The following DIAPH3 variants were observed in gnomAD, a reference collection of about 807,000 sequenced individuals.
DIAPH3 encodes protein diaphanous homolog 3.
DIAPH3 carries 117 observed loss-of-function variants against 144.3 expected under a neutral mutation model. The observed-to-expected ratio is 0.81, with a 90% CI of 0.70 to 0.95. The LOEUF (loss-of-function observed/expected upper bound fraction) is 0.95, where lower values mean the gene tolerates loss of function less well. DIAPH3 is among the 40% of genes least tolerant of loss of function. DIAPH3 has a pLI of 0.00. For missense variants in DIAPH3, 1,421 were observed against 1,412.7 expected (o/e 1.01, Z -0.09); for synonymous variants, 519 against 488.9 (o/e 1.06, Z -0.81).
At chr13:60,072,429 T>C (rs549779878) in intron 4 of DIAPH3, among the ~76,000 whole-genome samples, 2 of 152,316 alleles carry the variant, frequency 1.3e-5, no homozygotes, top group African/African-American at 4.8e-5. Flanking sequence ...TTTACACACA[T>C]GCACAAGAAA....
rs191079371 is a variant in DIAPH3 at position 60,035,779 on chromosome 13, C to T, written c.626+6911G>A. 1.5e-3 allele frequency among the ~76,000 whole-genome samples: 227 copies of T among 152,154 alleles called. 3 individuals carry two copies. The highest frequency in any genetic ancestry group is 2.5e-3 in the Non-Finnish European group (171 of 67,988). ...TAACCTACCTAATACTTTTTGACTTCTTATTGGAAAGTAATCTTGAAAAAA... is the reference window on the plus strand; with the variant it reads ...TAACCTACCTAATACTTTTTGACTTTTTATTGGAAAGTAATCTTGAAAAAA... On this transcript the variant is annotated intron_variant, in intron 5 of 27. Coordinates refer to ENST00000400324, the MANE Select transcript of DIAPH3 (RefSeq NM_001042517.2).
intron 4 of DIAPH3, among the ~76,000 whole-genome samples, chr13:60,060,940 G>A (rs1339214131): frequency 6.6e-6 from 1 of 150,814 alleles, no homozygotes; most frequent in African/African-American, 2.4e-5. Flanking sequence ...ATTATATACT[G>A]TTATAATAAC....
At chr13:60,007,371 T>C (rs1248246616) in intron 9 of DIAPH3, among the ~76,000 whole-genome samples, 1 of 141,630 alleles carries the variant, frequency 7.1e-6, no homozygotes, top group Non-Finnish European at 1.5e-5. Flanking sequence ...AAAATACCAT[T>C]TGTTTACTTT....
At chr13:60,025,082 G>A (rs546206748) in intron 5 of DIAPH3, among the ~76,000 whole-genome samples, 8 of 152,250 alleles carry the variant, frequency 5.3e-5, no homozygotes, top group Non-Finnish European at 1.2e-4. Flanking sequence ...CTTTTTGATA[G>A]TGTGGTGGGG....
At chr13:60,128,033 T>A (rs147471383) in intron 2 of DIAPH3, among the ~76,000 whole-genome samples, 1 of 152,226 alleles carries the variant, frequency 6.6e-6, no homozygotes, top group Non-Finnish European at 1.5e-5. Context: ...ACTTAATAGA[T>A]ATTTTTTCTG....
chr13:60,033,126 T>C (rs2054928570), intron 5 of DIAPH3, among the ~76,000 whole-genome samples: 2 of 152,216 alleles, frequency 1.3e-5, no homozygotes, highest in Admixed American at 1.3e-4. Flanking sequence ...CTCATTTGCA[T>C]CTGAGACCTC....
At chr13:59,924,017 G>T (rs1226283791) in intron 18 of DIAPH3, among the ~76,000 whole-genome samples, 1 of 152,044 alleles carries the variant, frequency 6.6e-6, no homozygotes, top group Non-Finnish European at 1.5e-5. Flanking sequence ...ATAATTGAGG[G>T]AGACTAAAAA....
intron 5 of DIAPH3, among the ~76,000 whole-genome samples, chr13:60,025,314 C>T (rs914926076): frequency 3.3e-5 from 5 of 149,580 alleles, no homozygotes; most frequent in African/African-American, 2.5e-5. Context: ...GCAAACTCAC[C>T]GCCATATTGT....
chr13:59,899,388 A>C (rs1330212961), intron 20 of DIAPH3, among the ~76,000 whole-genome samples: 1 of 152,240 alleles, frequency 6.6e-6, no homozygotes, highest in Non-Finnish European at 1.5e-5. Flanking sequence ...TGCATTGAGA[A>C]GACTTCCACA....
At chr13:60,143,254 T>C (rs764062081) in intron 1 of DIAPH3, among the ~76,000 whole-genome samples, 6 of 152,272 alleles carry the variant, frequency 3.9e-5, no homozygotes, top group Non-Finnish European at 8.8e-5. Flanking sequence ...CCTAGCACTT[T>C]TACATCCTGC....
At position 59,667,140 on chromosome 13, in the gene DIAPH3, T is replaced by C. The variant is rs190069498; in HGVS notation, c.3320-294A>G. ...TTATCAGGGCCTGGTCCCATATTTCTTTCAGGTCTCTGTTCAAACACCACC... is the reference window on the plus strand; with the variant it reads ...TTATCAGGGCCTGGTCCCATATTTCCTTCAGGTCTCTGTTCAAACACCACC... On this transcript the variant is annotated intron_variant, in intron 27 of 27. Transcript: ENST00000400324. 7.9e-5 allele frequency among the ~76,000 whole-genome samples: 12 copies of C among 152,328 alleles called. No individual in the cohort carries two copies. In the South Asian group the frequency reaches 1.9e-3, roughly 24 times the overall value.
At chr13:59,807,814 C>A (rs1719531337) in intron 25 of DIAPH3, among the ~76,000 whole-genome samples, 1 of 151,866 alleles carries the variant, frequency 6.6e-6, no homozygotes, top group East Asian at 1.9e-4. Flanking sequence ...TAAAACGTTT[C>A]TTTAAATCTA....
chr13:59,913,936 T>A lies in DIAPH3; in HGVS notation c.2266-2100A>T, dbSNP rs117800721. 3.4e-3 allele frequency among the ~76,000 whole-genome samples: 524 copies of A among 151,980 alleles called. 10 individuals are homozygous for A. In the East Asian group the frequency reaches 0.046, roughly 13 times the overall value. ...TCGCACCATTGCACTCCAGCCTGGT[T>A]GACAGTCTCACTCTGTCTCAAAAAA... On this transcript the variant is annotated intron_variant, in intron 19 of 27. Coordinates refer to ENST00000400324, the MANE Select transcript of DIAPH3 (RefSeq NM_001042517.2).
At chr13:59,936,875 T>C (rs998322171) in intron 17 of DIAPH3, among the ~76,000 whole-genome samples, 13 of 152,102 alleles carry the variant, frequency 8.5e-5, no homozygotes, top group African/African-American at 3.1e-4. Context: ...TAAAAATTAA[T>C]TTGTCCAGCT....
At chr13:59,787,683 A>G (rs559546429) in intron 25 of DIAPH3, among the ~76,000 whole-genome samples, 1 of 150,848 alleles carries the variant, frequency 6.6e-6, no homozygotes, top group Non-Finnish European at 1.5e-5. Context: ...CTTGTAACTC[A>G]GTAAGAAACA....
intron 4 of DIAPH3, among the ~76,000 whole-genome samples, chr13:60,068,835 C>T (rs999292045): frequency 3.9e-5 from 6 of 152,092 alleles, no homozygotes; most frequent in Non-Finnish European, 8.8e-5. Flanking sequence ...CTTTTTTATG[C>T]CTGTGTAGTA....
At chr13:59,747,130 A>G (rs2036746362) in intron 27 of DIAPH3, among the ~76,000 whole-genome samples, 1 of 152,236 alleles carries the variant, frequency 6.6e-6, no homozygotes, top group African/African-American at 2.4e-5. Flanking sequence ...GACTGAGAAA[A>G]TAACCACAAT....
intron 20 of DIAPH3, among the ~76,000 whole-genome samples, chr13:59,902,608 T>C (rs372436976): frequency 1.3e-4 from 20 of 152,210 alleles, no homozygotes; most frequent in African/African-American, 4.8e-4. Context: ...ACCCCATCTC[T>C]ACTAAAAATT....
At chr13:60,066,296 A>G (rs932342124) in intron 4 of DIAPH3, among the ~76,000 whole-genome samples, 8 of 152,176 alleles carry the variant, frequency 5.3e-5, no homozygotes, top group Admixed American at 1.3e-4. Flanking sequence ...TATAAATGTT[A>G]TATCTAATTT....
Sources: gnomAD v4.1 joint callset for allele counts (sites outside exome capture counted in the v4.1 genomes callset) on GRCh38, gnomAD v4.1.1 for gene constraint, MANE v1.5 for transcripts, NCBI Gene and HGNC (gene_info 2026-07-23, HGNC 2026-07-21) for gene names.